The following LRRC69 variants were observed in gnomAD, a reference collection of about 807,000 sequenced individuals.
The protein encoded by LRRC69 is leucine-rich repeat-containing protein 69.
LRRC69 carries 42 observed loss-of-function variants against 37.8 expected under a neutral mutation model. That is an observed-to-expected ratio of 1.11 (90% confidence interval 0.87 to 1.44). The LOEUF (loss-of-function observed/expected upper bound fraction) is 1.44, where lower values mean the gene tolerates loss of function less well. LRRC69 is among the 40% of genes most tolerant of loss of function. The pLI is 0.00. For synonymous variants in LRRC69, 141 were observed against 143.1 expected (o/e 0.99, Z 0.11); for missense variants, 357 against 401.9 (o/e 0.89, Z 0.96).
chr8:91,173,393 C>T (rs1413931450), intron 5 of LRRC69, among the ~76,000 whole-genome samples: 1 of 150,784 alleles, frequency 6.6e-6, no homozygotes, highest in Non-Finnish European at 1.5e-5. Context: ...GGTTTCTGTT[C>T]CTGTAAGAAT....
chr8:91,208,833 G>A (rs1174371307), intron 7 of LRRC69, among the ~76,000 whole-genome samples: 1 of 152,124 alleles, frequency 6.6e-6, no homozygotes, highest in Admixed American at 6.5e-5. Flanking sequence ...AAGCTCCGTG[G>A]TAGTGTCTAC....
intron 5 of LRRC69, among the ~76,000 whole-genome samples, chr8:91,166,200 A>G (rs1156264294): frequency 6.6e-6 from 1 of 151,814 alleles, no homozygotes; most frequent in Non-Finnish European, 1.5e-5. Flanking sequence ...TAACAAATAT[A>G]AATCACCAGG....
At chr8:91,205,094 G>T (rs187477499) in intron 7 of LRRC69, among the ~76,000 whole-genome samples, 2 of 152,132 alleles carry the variant, frequency 1.3e-5, no homozygotes, top group Admixed American at 6.5e-5. Flanking sequence ...TACCTAGAAA[G>T]ATTGTATTAT....
At chr8:91,151,233 A>T (rs866403878) in intron 5 of LRRC69, among the ~76,000 whole-genome samples, 38 of 145,432 alleles carry the variant, frequency 2.6e-4, no homozygotes, top group Middle Eastern at 7.5e-3. Flanking sequence ...AGTGCTATAA[A>T]TTTCCCTCTA....
intron 1 of LRRC69, among the ~76,000 whole-genome samples, chr8:91,116,924 C>A (rs76159759): frequency 6.6e-6 from 1 of 151,988 alleles, no homozygotes; most frequent in South Asian, 2.1e-4. Flanking sequence ...ATTCTATAAT[C>A]CAAAGGCATC....
chr8:91,114,820 A>G (rs536554529), intron 1 of LRRC69, among the ~76,000 whole-genome samples: 3 of 152,158 alleles, frequency 2.0e-5, no homozygotes, highest in African/African-American at 7.2e-5. Flanking sequence ...ATGTGTCCCC[A>G]TAGTAAAGTG....
chr8:91,169,151 GA>G (rs1338823554), intron 5 of LRRC69, among the ~76,000 whole-genome samples: 1 of 151,816 alleles, frequency 6.6e-6, no homozygotes, highest in African/African-American at 2.4e-5. Flanking sequence ...ACTAACCCAG[GA>G]ACAGAAAACT....
intron 5 of LRRC69, among the ~76,000 whole-genome samples, chr8:91,168,043 T>C (rs1357286458): frequency 6.6e-6 from 1 of 151,886 alleles, no homozygotes; most frequent in Admixed American, 6.6e-5. Flanking sequence ...CAGAGGTGAA[T>C]AATACAAATT....
rs144378729 is a variant in LRRC69, at chr8:91,211,595, A to AATATATAT, written c.934-7280_934-7273dup. On this transcript the variant is annotated intron_variant, in intron 7 of 7. Coordinates refer to ENST00000448384, the Ensembl canonical transcript of LRRC69. ...ATGTTAAGTAGACAGCAATTATACA[A>AATATATAT]ATATATATATATATATATATATTTT... Among the ~76,000 whole-genome samples, 7 of 140,434 alleles carry AATATATAT rather than the reference A, an allele frequency of 5.0e-5. No homozygotes were observed. In the East Asian group the frequency reaches 6.0e-4, roughly 12 times the overall value. 92.1% of individuals were successfully genotyped at this position (140,434 alleles called of 152,430 possible). A position where few individuals can be genotyped will look rare whatever the true frequency, so the allele number is the denominator to read the frequency against.
intron 1 of LRRC69, among the ~76,000 whole-genome samples, chr8:91,103,167 G>A (rs1001529235): frequency 6.6e-6 from 1 of 152,148 alleles, no homozygotes; most frequent in Non-Finnish European, 1.5e-5. Context: ...CGTCTATCTT[G>A]GGGGCTTACA....
exon 4 of LRRC69, chr8:91,133,301 C>A: frequency 6.7e-7 from 1 of 1,495,992 alleles, no homozygotes; most frequent in Non-Finnish European, 8.9e-7. Context: ...GGAGTTTTGC[C>A]GGAGGTAAGC....
intron 3 of LRRC69, among the ~76,000 whole-genome samples, chr8:91,129,257 A>G (rs1200305513): frequency 6.6e-6 from 1 of 152,040 alleles, no homozygotes. Context: ...CAGCAGGCTC[A>G]GTTCTTTCTC....
intron 7 of LRRC69, among the ~76,000 whole-genome samples, chr8:91,216,851 A>G (rs1161375486): frequency 1.3e-5 from 2 of 152,072 alleles, no homozygotes; most frequent in Non-Finnish European, 2.9e-5. Flanking sequence ...TTAACATTTT[A>G]TGGTCTATTT....
At chr8:91,187,104 G>A (rs958191939) in intron 5 of LRRC69, among the ~76,000 whole-genome samples, 19 of 152,268 alleles carry the variant, frequency 1.2e-4, no homozygotes, top group Admixed American at 1.2e-3. Context: ...AGCTTCCTCA[G>A]TCTTCACTTC....
intron 7 of LRRC69, among the ~76,000 whole-genome samples, chr8:91,211,345 G>A (rs1809913494): frequency 6.6e-6 from 1 of 151,702 alleles, no homozygotes; most frequent in South Asian, 2.1e-4. Context: ...TGTTAATCAT[G>A]CTAAATAAAT....
chr8:91,121,950 A>G (rs901059405), intron 1 of LRRC69, among the ~76,000 whole-genome samples: 1 of 152,104 alleles, frequency 6.6e-6, no homozygotes, highest in African/African-American at 2.4e-5. Context: ...CTTTACAGTC[A>G]AGATTGATTA....
chr8:91,160,207 A>G (rs1808913834), intron 5 of LRRC69, among the ~76,000 whole-genome samples: 1 of 149,822 alleles, frequency 6.7e-6, no homozygotes, highest in Admixed American at 6.7e-5. Flanking sequence ...TAGAATCACT[A>G]CTGATTTTTG....
At chr8:91,117,798 G>A (rs1813537791) in intron 1 of LRRC69, among the ~76,000 whole-genome samples, 1 of 151,686 alleles carries the variant, frequency 6.6e-6, no homozygotes, top group East Asian at 1.9e-4. Context: ...AGGGAGACCC[G>A]TGGTCCCACT....
At chr8:91,176,507 C>A (rs1258620463) in intron 5 of LRRC69, among the ~76,000 whole-genome samples, 2 of 151,966 alleles carry the variant, frequency 1.3e-5, no homozygotes, top group African/African-American at 4.8e-5. Context: ...AACAGGATAT[C>A]TCTCTCTCTT....
Sources: gnomAD v4.1 joint callset for allele counts (sites outside exome capture counted in the v4.1 genomes callset) on GRCh38, gnomAD v4.1.1 for gene constraint, MANE v1.5 for transcripts, NCBI Gene and HGNC (gene_info 2026-07-23, HGNC 2026-07-21) for gene names.